Variants in SH3RF2 observed in about 807,000 individuals in gnomAD.
SH3RF2 encodes the protein SH3 domain containing ring finger 2.
SH3RF2 carries 43 observed loss-of-function variants against 59.0 expected under a neutral mutation model. That is an observed-to-expected ratio of 0.73 (90% CI 0.57 to 0.94). The LOEUF (loss-of-function observed/expected upper bound fraction) is 0.94. Ranked by LOEUF, SH3RF2 falls within the 40% of genes least tolerant of loss-of-function variation. The probability of loss-of-function intolerance (pLI) is 0.00; values close to 1 mark genes in which losing one functional copy is unlikely to be tolerated. For synonymous variants in SH3RF2, 391 were observed against 391.5 expected, an observed-to-expected ratio of 1.00 and a Z score of 0.01; for missense variants, 930 against 940.1, an observed-to-expected ratio of 0.99 and a Z score of 0.14.
At chr5:146,041,004 G>T (rs1762106904) in intron 5 of SH3RF2, among the ~76,000 whole-genome samples, 2 of 152,108 alleles carry the variant, frequency 1.3e-5, no homozygotes, top group South Asian at 2.1e-4. Context: ...AAACACACAT[G>T]CCTCCTCCGT....
intron 2 of SH3RF2, among the ~76,000 whole-genome samples, chr5:145,972,112 G>A (rs1759106873): frequency 1.3e-5 from 2 of 152,100 alleles, no homozygotes. Flanking sequence ...TTCTTGGAAT[G>A]CAGAACAAAT....
intron 2 of SH3RF2, among the ~76,000 whole-genome samples, chr5:145,980,079 G>A (rs1759451433): frequency 2.0e-5 from 3 of 152,170 alleles, no homozygotes; most frequent in Admixed American, 2.0e-4. Flanking sequence ...GCCCTACTTT[G>A]GAAGTAGGGA....
chr5:146,056,079 G>C lies in SH3RF2; in HGVS notation c.1421G>C (p.Gly474Ala), dbSNP rs772214796. Residue 474 changes from glycine to alanine, a missense_variant, in exon 8 of 10, where the codon GGT (glycine) becomes GCT (alanine). Physicochemically the swap from Gly to Ala is moderately conservative, Grantham distance 60. Transcript: ENST00000359120. The part of the protein sequence containing the change: ...SVSSQGSISE[G>A]DPRQSRPFKS... ...TCCTCCCAAGGCAGCATTTCAGAAG[G>C]TGATCCACGGCAAAGCCGTCCCTTC... 1 of 1,614,080 alleles carries C rather than the reference G, an allele frequency of 6.2e-7. No individual in the cohort carries two copies. The highest frequency in any genetic ancestry group is 1.3e-5 in the African/African-American group (1 of 74,932).
chr5:145,965,448 CT>C (rs901458450), intron 2 of SH3RF2, among the ~76,000 whole-genome samples: 4 of 151,690 alleles, frequency 2.6e-5, no homozygotes, highest in East Asian at 3.9e-4. Context: ...GAGCCATCAT[CT>C]TTTTTTTGCC....
chr5:146,012,140 A>G (rs947851660), intron 4 of SH3RF2, among the ~76,000 whole-genome samples: 1 of 152,146 alleles, frequency 6.6e-6, no homozygotes, highest in Admixed American at 6.5e-5. Flanking sequence ...TGAGATAATC[A>G]TATGGTTTTT....
intron 9 of SH3RF2, among the ~76,000 whole-genome samples, chr5:146,070,680 A>G (rs1189943422): frequency 6.6e-6 from 1 of 152,186 alleles, no homozygotes; most frequent in Non-Finnish European, 1.5e-5. Flanking sequence ...CCCCACTTCC[A>G]TCTCCTCTGC....
intron 2 of SH3RF2, among the ~76,000 whole-genome samples, chr5:145,941,370 C>G (rs533575300): frequency 6.6e-6 from 1 of 152,262 alleles, no homozygotes; most frequent in Admixed American, 6.5e-5. Context: ...CTAAAACCCT[C>G]CCTAGATGAT....
intron 2 of SH3RF2, among the ~76,000 whole-genome samples, chr5:145,999,696 C>T (rs6864451): frequency 0.011 from 1,695 of 151,654 alleles, 33 homozygotes; most frequent in African/African-American, 0.039. Context: ...CATTTATCGA[C>T]GAAGTTTGCT....
chr5:145,979,656 G>T (rs1274907961), intron 2 of SH3RF2, among the ~76,000 whole-genome samples: 1 of 152,132 alleles, frequency 6.6e-6, no homozygotes, highest in African/African-American at 2.4e-5. Flanking sequence ...TTAACAATTG[G>T]CTTTCACAAG....
chr5:146,004,534 C>G (rs1374816698), intron 4 of SH3RF2, among the ~76,000 whole-genome samples: 2 of 151,722 alleles, frequency 1.3e-5, no homozygotes, highest in African/African-American at 4.8e-5. Flanking sequence ...TAATGTTAGG[C>G]GATGGTATAT....
In SH3RF2 at chr5:146,053,217, G is replaced by A. The variant is rs567449836; in HGVS notation, c.1323-2764G>A. ...TGTGCTATTCTGTGGTCCAGCCCTC[G>A]GTGCTAGATGATGACACCAACCTGT... On this transcript the variant is annotated intron_variant, in intron 7 of 9. Transcript: ENST00000359120. Among the ~76,000 whole-genome samples the A allele has an allele frequency of 6.4e-4, 98 of 152,256 alleles. 1 individual carries two copies. The highest frequency in any genetic ancestry group is 2.0e-3 in the African/African-American group (84 of 41,552).
rs768471629 is a variant in SH3RF2 at position 145,938,263 on chromosome 5, G to C, written c.335G>C (p.Ser112Thr). 2.5e-6 allele frequency: 4 copies of C among 1,594,518 alleles called. No individual in the cohort carries two copies. The African/African-American group carries it at 4.0e-5, about 16-fold the overall frequency. ...ACCAACCCCAGACGTCTGCAGGCCA[G>C]TCCTTTCCGGCTAGTGCCTAATGTC... is the stretch of plus-strand genomic sequence containing the variant. ...SRTNPRRLQA[S>T]PFRLVPNVRI... The change falls in exon 2 of 10, where the codon AGT becomes ACT. Residue 112 changes from serine to threonine, a missense_variant. By Grantham distance (58) the Ser-to-Thr change is moderately conservative. Coordinates refer to ENST00000359120, the MANE Select transcript of SH3RF2 (RefSeq NM_152550.4).
chr5:146,026,752 C>G (rs1299305685), intron 5 of SH3RF2, among the ~76,000 whole-genome samples: 2 of 152,268 alleles, frequency 1.3e-5, no homozygotes, highest in East Asian at 3.9e-4. Context: ...TAGGACGGAA[C>G]TCACACTGCT....
At chr5:146,032,774 T>G (rs1342153651) in intron 5 of SH3RF2, among the ~76,000 whole-genome samples, 1 of 152,232 alleles carries the variant, frequency 6.6e-6, no homozygotes. Flanking sequence ...CTGGGAAATC[T>G]CTTCTCAGGC....
At position 146,014,356 on chromosome 5, in the gene SH3RF2, T is replaced by C. The variant is rs142137676; in HGVS notation, c.1059+295T>C. Reference sequence around the variant, plus strand: ...AGATACTTTTCTTTCCCTTGCTGAGTGCCATGATATCGTTCCTGTCCCTTA... The same window carrying C: ...AGATACTTTTCTTTCCCTTGCTGAGCGCCATGATATCGTTCCTGTCCCTTA... On this transcript the variant is annotated intron_variant, in intron 5 of 9. Coordinates refer to ENST00000359120, the MANE Select transcript of SH3RF2 (RefSeq NM_152550.4). 3.6e-3 allele frequency among the ~76,000 whole-genome samples: 549 copies of C among 152,244 alleles called. 3 individuals are homozygous for C. The highest frequency in any genetic ancestry group is 0.013 in the African/African-American group (524 of 41,534).
intron 1 of SH3RF2, chr5:145,937,217 C>A (rs895135299): frequency 1.3e-5 from 2 of 151,834 alleles, no homozygotes; most frequent in East Asian, 3.9e-4. Context: ...CTTCCAAGCA[C>A]CCTGACCTGT....
chr5:146,025,355 G>A (rs140050936), intron 5 of SH3RF2, among the ~76,000 whole-genome samples: 97 of 152,300 alleles, frequency 6.4e-4, no homozygotes, highest in African/African-American at 2.3e-3. Flanking sequence ...CTGTGCAGTC[G>A]CCTTGTTTAC....
At chr5:145,993,045 T>C (rs1432985419) in intron 2 of SH3RF2, among the ~76,000 whole-genome samples, 1 of 152,012 alleles carries the variant, frequency 6.6e-6, no homozygotes, top group Non-Finnish European at 1.5e-5. Context: ...GGTACAGGCA[T>C]TGGGTGAATA....
At chr5:145,953,542 G>C (rs1291083353) in intron 2 of SH3RF2, among the ~76,000 whole-genome samples, 1 of 152,090 alleles carries the variant, frequency 6.6e-6, no homozygotes, top group Non-Finnish European at 1.5e-5. Flanking sequence ...CCTGAGACTG[G>C]GTAATTTATT....
Sources: allele counts gnomAD v4.1 joint callset (sites outside exome capture counted in the v4.1 genomes callset), GRCh38; gene constraint gnomAD v4.1.1; transcripts MANE v1.5; gene names NCBI Gene and HGNC (gene_info 2026-07-23, HGNC 2026-07-21).